The following MDGA1 variants were observed in gnomAD, a reference collection of about 807,000 sequenced individuals.
The protein encoded by MDGA1 is MAM domain-containing glycosylphosphatidylinositol anchor protein 1.
Under a neutral mutation model 101.5 loss-of-function variants are expected in MDGA1, and 54 were observed. The ratio of observed to expected loss-of-function variants is 0.53; its 90% CI spans 0.43 to 0.67. The LOEUF is 0.67. Ranked by LOEUF, MDGA1 falls within the 30% of genes least tolerant of loss-of-function variation. The pLI, the probability that MDGA1 is intolerant of heterozygous loss-of-function variation, is 0.00. For synonymous variants in MDGA1, 533 were observed against 558.3 expected (o/e 0.95, Z 0.64); for missense variants, 1,083 against 1,323.8 (o/e 0.82, Z 2.82).
chr6:37,687,390 T>C (rs1038032616), intron 1 of MDGA1, among the ~76,000 whole-genome samples: 34 of 125,664 alleles, frequency 2.7e-4, no homozygotes, highest in African/African-American at 9.5e-4. Flanking sequence ...CCTCCATCTC[T>C]ACTAAAAATT....
chr6:37,660,909 C>T (rs929696535), intron 2 of MDGA1, among the ~76,000 whole-genome samples: 2 of 152,160 alleles, frequency 1.3e-5, no homozygotes, highest in South Asian at 2.1e-4. Context: ...GTTGCCTATA[C>T]CGAAGATCAT....
At chr6:37,661,396 C>A (rs1231747668) in intron 2 of MDGA1, among the ~76,000 whole-genome samples, 1 of 152,168 alleles carries the variant, frequency 6.6e-6, no homozygotes, top group East Asian at 1.9e-4. Flanking sequence ...GTCCCTTAGT[C>A]CCCCATCTTG....
At chr6:37,680,556 G>A (rs1762071564) in intron 1 of MDGA1, among the ~76,000 whole-genome samples, 1 of 152,256 alleles carries the variant, frequency 6.6e-6, no homozygotes, top group Non-Finnish European at 1.5e-5. Context: ...GCAAACAGCA[G>A]GTACTTAATA....
chr6:37,653,878 A>C (rs2114027511), intron 6 of MDGA1, among the ~76,000 whole-genome samples: 1 of 152,282 alleles, frequency 6.6e-6, no homozygotes, highest in East Asian at 1.9e-4. Flanking sequence ...AAATTCAGTT[A>C]ATCACATAGA....
intron 1 of MDGA1, among the ~76,000 whole-genome samples, chr6:37,678,048 G>A (rs1762018652): frequency 6.6e-6 from 1 of 152,186 alleles, no homozygotes; most frequent in Non-Finnish European, 1.5e-5. Context: ...TTAGCTCTGA[G>A]GTTAAAGAAC....
rs1234915718 is a variant in MDGA1, at chr6:37,634,193, T to C, written c.*3175A>G. 2.0e-5 allele frequency: 3 copies of C among 152,724 alleles called. No individual in the cohort carries two copies. The highest frequency in any genetic ancestry group is 6.6e-5 in the Admixed American group (1 of 15,266). The allele number at this position is 152,724 out of a possible 1,614,324, so 9.5% of individuals were successfully genotyped here. A position where few individuals can be genotyped will look rare whatever the true frequency, so the allele number is the denominator to read the frequency against. On this transcript the variant is annotated 3_prime_UTR_variant, in exon 17 of 17. Transcript: ENST00000434837. This position sits in a 1 kb window ranked among gnomAD's most constrained non-coding sequence, Gnocchi z 4.7. ...CAGCACCTGGCCCCCGGAGTCCTTT[T>C]CACCAACCTGAAGGGGACAAGGGAT...
chr6:37,664,170 G>T (rs988047848), intron 1 of MDGA1, 64 bp from the exon 2 acceptor site: 1 of 1,597,308 alleles, frequency 6.3e-7, no homozygotes, highest in Admixed American at 1.7e-5. Flanking sequence ...GAAGTCTGGG[G>T]CTCCCTCCTG....
chr6:37,649,392 GAT>G, intron 8 of MDGA1, 126 bp from the exon 9 acceptor site: 2 of 1,379,552 alleles, frequency 1.4e-6, no homozygotes, highest in Non-Finnish European at 9.3e-7. Flanking sequence ...TCCCAGGGCG[GAT>G]GCACACTCGC....
At chr6:37,668,259 A>AG in intron 1 of MDGA1, among the ~76,000 whole-genome samples, 1 of 149,778 alleles carries the variant, frequency 6.7e-6, no homozygotes, top group Admixed American at 6.7e-5. Flanking sequence ...TAAAAAAAAA[A>AG]AAAAAGGTGA....
At position 37,664,093 on chromosome 6, in the gene MDGA1, C is replaced by T. The variant is rs9470653; in HGVS notation, c.81G>A (p.Ala27=). ...ATGCCTGGCCCGCATGCACGATCTG[C>T]GCCTGGGCTGGAGCTGGCAGGAGAG... is the stretch of plus-strand genomic sequence containing the variant. ...RGQGVYAPAQ[A]QIVHAGQACV... Residue 27 remains alanine, a synonymous_variant, in exon 2 of 17, where the codon GCG becomes GCA. Transcript: ENST00000434837. 209 of 1,613,854 alleles carry T rather than the reference C, an allele frequency of 1.3e-4. 2 individuals carry two copies. The African/African-American group carries it at 2.4e-3, about 19-fold the overall frequency.
At chr6:37,658,840 G>A (rs898541577) in intron 2 of MDGA1, among the ~76,000 whole-genome samples, 6 of 151,940 alleles carry the variant, frequency 3.9e-5, no homozygotes, top group South Asian at 2.1e-4. Context: ...GCGTTATGGC[G>A]CGCACCTGTG....
intron 5 of MDGA1, 66 bp from the exon 6 acceptor site, chr6:37,654,609 G>C: frequency 6.2e-7 from 1 of 1,608,406 alleles, no homozygotes; most frequent in Non-Finnish European, 8.5e-7. Context: ...GGAGAGTAAG[G>C]GGCTAGGAAA....
At chr6:37,653,219 C>G (rs1224169149) in intron 6 of MDGA1, among the ~76,000 whole-genome samples, 1 of 152,142 alleles carries the variant, frequency 6.6e-6, no homozygotes, top group African/African-American at 2.4e-5. Flanking sequence ...TGAGATCTTA[C>G]CAACCCAGGC....
rs140048082 is a variant in MDGA1, at chr6:37,691,586, G to GT, written c.67+5158dup. ...TTATACTTTTATGTATTCCTTGATT[G>GT]TTTTGCAAAGAGCACATGTTACTCA... On this transcript the variant is annotated intron_variant, in intron 1 of 16. Transcript: ENST00000434837. 9.5e-3 allele frequency among the ~76,000 whole-genome samples: 1,439 copies of GT among 152,262 alleles called. 27 individuals are homozygous for GT. The highest frequency in any genetic ancestry group is 0.086 in the East Asian group (445 of 5,186).
chr6:37,664,678 T>C (rs899920151), intron 1 of MDGA1, among the ~76,000 whole-genome samples: 10 of 137,588 alleles, frequency 7.3e-5, no homozygotes, highest in African/African-American at 2.7e-4. Flanking sequence ...AGAGCTCCCC[T>C]GGAAACAGGC....
At chr6:37,649,985 G>C in intron 8 of MDGA1, 124 bp downstream of exon 8, 2 of 1,096,344 alleles carry the variant, frequency 1.8e-6, no homozygotes, top group Non-Finnish European at 2.7e-6. Context: ...GAGCATTAGG[G>C]GTATCAGGAG....
chr6:37,664,484 C>T (rs920359595), intron 1 of MDGA1, among the ~76,000 whole-genome samples: 22 of 152,096 alleles, frequency 1.4e-4, no homozygotes, highest in African/African-American at 5.3e-4. Flanking sequence ...CAGGTGCATC[C>T]ATCCCCAGCT....
Position 37,637,327 on chromosome 6 carries a change from G to T in MDGA1, c.*41C>A. The T allele has an allele frequency of 6.5e-7, 1 of 1,533,628 alleles. No homozygotes were observed. Among genetic ancestry groups the T allele is most frequent in the Non-Finnish European group, 9.0e-7 (1 of 1,109,442 alleles). On this transcript the variant is annotated 3_prime_UTR_variant, in exon 17 of 17. Transcript: ENST00000434837. ...TTTGGTACAATGTGGACACTTTGGT[G>T]TGCCGGGGGCAAGGTTGGGGGGGTG... is the stretch of plus-strand genomic sequence containing the variant.
At chr6:37,675,014 G>A (rs1269985227) in intron 1 of MDGA1, among the ~76,000 whole-genome samples, 2 of 152,166 alleles carry the variant, frequency 1.3e-5, no homozygotes, top group Admixed American at 6.5e-5. Flanking sequence ...CCGAGATCGT[G>A]CCATTGCACT....
Sources: allele counts gnomAD v4.1 joint callset (sites outside exome capture counted in the v4.1 genomes callset), GRCh38; gene constraint gnomAD v4.1.1; non-coding constraint Gnocchi (gnomAD v3.1); transcripts MANE v1.5; gene names NCBI Gene and HGNC (gene_info 2026-07-23, HGNC 2026-07-21).